Variants in ERICH6B observed in about 807,000 individuals in gnomAD.
ERICH6B encodes glutamate-rich protein 6B.
Under a neutral mutation model 80.0 loss-of-function variants are expected in ERICH6B, and 69 were observed. The ratio of observed to expected loss-of-function variants is 0.86; its 90% CI spans 0.71 to 1.05. ERICH6B has a LOEUF of 1.05. Among genes scored for constraint, ERICH6B ranks in the 50% least tolerant of loss-of-function variants. The pLI, the probability that ERICH6B is intolerant of heterozygous loss-of-function variation, is 0.00. For missense variants in ERICH6B, 754 were observed against 796.1 expected (o/e 0.95, Z 0.64); for synonymous variants, 283 against 291.9 (o/e 0.97, Z 0.31).
intron 14 of ERICH6B, among the ~76,000 whole-genome samples, chr13:45,543,948 G>A (rs1185848688): frequency 1.3e-5 from 2 of 152,178 alleles, no homozygotes; most frequent in Non-Finnish European, 2.9e-5. Flanking sequence ...ATAATGCAGG[G>A]TGACATCTGT....
chr13:45,545,003 A>C lies in ERICH6B; in HGVS notation c.1647-18T>G. On this transcript the variant is annotated intron_variant, in intron 13 of 14. Coordinates refer to ENST00000298738, the MANE Select transcript of ERICH6B (RefSeq NM_182542.3). ...GGTTCAACCTGGACCAGGAGAAAGC[A>C]TGTCAGGCAGCCAGGGCGCTCAGCC... 1 of 1,546,346 alleles carries C rather than the reference A, an allele frequency of 6.5e-7. No individual in the cohort carries two copies. The highest frequency in any genetic ancestry group is 8.7e-7 in the Non-Finnish European group (1 of 1,143,944).
At chr13:45,567,463 G>A (rs149695146) in intron 9 of ERICH6B, among the ~76,000 whole-genome samples, 2 of 152,100 alleles carry the variant, frequency 1.3e-5, no homozygotes, top group African/African-American at 4.8e-5. Flanking sequence ...GAATCATGGG[G>A]GCAGGTCTTT....
At chr13:45,586,382 G>A (rs947409987) in intron 5 of ERICH6B, among the ~76,000 whole-genome samples, 3 of 152,264 alleles carry the variant, frequency 2.0e-5, no homozygotes, top group South Asian at 4.1e-4. Flanking sequence ...GTGATGGATC[G>A]ATCCCACTAA....
chr13:45,575,824 A>G (rs1875377586), intron 7 of ERICH6B, among the ~76,000 whole-genome samples: 1 of 152,108 alleles, frequency 6.6e-6, no homozygotes, highest in Non-Finnish European at 1.5e-5. Context: ...TGTGGAATTG[A>G]TCAGTACAGC....
At chr13:45,561,802 T>C (rs1874693795) in intron 10 of ERICH6B, among the ~76,000 whole-genome samples, 1 of 152,128 alleles carries the variant, frequency 6.6e-6, no homozygotes, top group African/African-American at 2.4e-5. Context: ...GCTGGATGCC[T>C]GATATGACAG....
chr13:45,584,233 A>G (rs1875800456), intron 5 of ERICH6B, among the ~76,000 whole-genome samples: 2 of 152,204 alleles, frequency 1.3e-5, no homozygotes, highest in South Asian at 2.1e-4. Context: ...CTGTGCCTGG[A>G]TAGACACATG....
intron 8 of ERICH6B, among the ~76,000 whole-genome samples, chr13:45,569,991 G>T (rs1425721680): frequency 6.6e-6 from 1 of 152,182 alleles, no homozygotes; most frequent in Non-Finnish European, 1.5e-5. Context: ...TGCATTTTAT[G>T]TTCTGTTCTC....
intron 3 of ERICH6B, among the ~76,000 whole-genome samples, chr13:45,593,897 T>C (rs1276873578): frequency 6.6e-6 from 1 of 152,186 alleles, no homozygotes; most frequent in Non-Finnish European, 1.5e-5. Context: ...ATTTGTCATA[T>C]CTAGGGCTCA....
At chr13:45,542,234 G>A (rs1176681288) in intron 14 of ERICH6B, among the ~76,000 whole-genome samples, 1 of 152,194 alleles carries the variant, frequency 6.6e-6, no homozygotes, top group Non-Finnish European at 1.5e-5. Context: ...CGATACCCGT[G>A]TGCTCCATTC....
chr13:45,561,300 T>A (rs527764418), intron 11 of ERICH6B, 69 bp downstream of exon 11: 28 of 1,468,184 alleles, frequency 1.9e-5, no homozygotes, highest in Non-Finnish European at 2.6e-5. Flanking sequence ...TGGTGGTGTA[T>A]GCACACCTCA....
chr13:45,600,745 C>A (rs936010595), intron 2 of ERICH6B, among the ~76,000 whole-genome samples: 1 of 152,278 alleles, frequency 6.6e-6, no homozygotes, highest in Admixed American at 6.5e-5. Context: ...TTTGATCATC[C>A]GTTGGTGGAC....
chr13:45,561,338 G>A, intron 11 of ERICH6B, 31 bp downstream of exon 11: 1 of 1,541,468 alleles, frequency 6.5e-7, no homozygotes, highest in Non-Finnish European at 8.8e-7. Flanking sequence ...CCTGTGCAAA[G>A]TAAAAAACAG....
chr13:45,542,689 G>A (rs892729642), intron 14 of ERICH6B, among the ~76,000 whole-genome samples: 41 of 152,190 alleles, frequency 2.7e-4, no homozygotes, highest in African/African-American at 8.0e-4. Flanking sequence ...AGCTGGTCCC[G>A]CCACTCGGGC....
In ERICH6B at chr13:45,565,133, G is replaced by GT. The variant is rs369457248; in HGVS notation, c.1188-1346dup. 7.8e-4 allele frequency among the ~76,000 whole-genome samples: 115 copies of GT among 148,330 alleles called. 1 individual carries two copies. Among genetic ancestry groups the GT allele is most frequent in the South Asian group, 2.4e-3 (11 of 4,624 alleles). ...ATAACGTATAGAGATATTATTTGGT[G>GT]TTTTTTTTTTGCTGATCCAAAAGCT... On this transcript the variant is annotated intron_variant, in intron 9 of 14. Transcript: ENST00000298738.
chr13:45,606,545 ATAT>A (rs1949866704), intron 2 of ERICH6B, among the ~76,000 whole-genome samples: 1 of 12,774 alleles, frequency 7.8e-5, no homozygotes, highest in African/African-American at 1.7e-4. Flanking sequence ...ATATATATAT[ATAT>A]TTTTTTTTTT....
In ERICH6B at chr13:45,555,625, G is replaced by T. The variant is rs527487207; in HGVS notation, c.1408-5309C>A. On this transcript the variant is annotated intron_variant, in intron 11 of 14. Coordinates refer to ENST00000298738, the MANE Select transcript of ERICH6B (RefSeq NM_182542.3). ...AGCCTGGACCCTGGCTTCACTTCTT[G>T]TCCATACAACTGGACATAGACAACT... Among the ~76,000 whole-genome samples, 13 of 152,164 alleles carry T rather than the reference G, an allele frequency of 8.5e-5. No homozygotes were observed. In the South Asian group the frequency reaches 2.5e-3, roughly 29 times the overall value.
chr13:45,582,124 A>G (rs990396313), intron 5 of ERICH6B, among the ~76,000 whole-genome samples: 3 of 152,154 alleles, frequency 2.0e-5, no homozygotes, highest in Admixed American at 6.5e-5. Flanking sequence ...TTGCTTCAGC[A>G]GTTCTTTGTG....
Position 45,541,535 on chromosome 13 carries a change from A to G in ERICH6B, c.2018T>C (p.Phe673Ser). ...NYATTPDLENFIEAVSISLMD... is the reference protein window; with the variant it reads ...NYATTPDLENSIEAVSISLMD... The stretch of plus-strand genomic sequence containing the variant: ...CAGTGATATACTGACGGCCTCTATG[A>G]AGTTTTCCAGATCAGGGGTGGTCGC... The change falls in exon 15 of 15, where the codon TTC becomes TCC. Residue 673 changes from phenylalanine (F) to serine (S), a missense_variant. By Grantham distance (155) the Phe-to-Ser change is radical. Coordinates refer to ENST00000298738, the MANE Select transcript of ERICH6B (RefSeq NM_182542.3). The G allele has an allele frequency of 6.4e-7, 1 of 1,552,008 alleles. No homozygotes were observed. Among genetic ancestry groups the G allele is most frequent in the South Asian group, 1.2e-5 (1 of 84,038 alleles).
chr13:45,609,180 G>A (rs1433356929), intron 1 of ERICH6B, among the ~76,000 whole-genome samples: 1 of 152,154 alleles, frequency 6.6e-6, no homozygotes, highest in Non-Finnish European at 1.5e-5. Context: ...CTTCTATGTT[G>A]CTCCCAGCCA....
Sources: allele counts gnomAD v4.1 joint callset (sites outside exome capture counted in the v4.1 genomes callset), GRCh38; gene constraint gnomAD v4.1.1; transcripts MANE v1.5; gene names NCBI Gene and HGNC (gene_info 2026-07-23, HGNC 2026-07-21).